The following UBA2 variants were observed in gnomAD, a reference collection of about 807,000 sequenced individuals.
UBA2 encodes the protein SUMO-activating enzyme subunit 2.
UBA2 carries 11 observed loss-of-function variants against 77.2 expected under a neutral mutation model. The observed-to-expected ratio is 0.14, with a 90% CI of 0.09 to 0.24. The LOEUF (loss-of-function observed/expected upper bound fraction) is 0.24, where lower values mean the gene tolerates loss of function less well. Ranked by LOEUF, UBA2 falls within the 10% of genes least tolerant of loss-of-function variation. The pLI, the probability that UBA2 is intolerant of heterozygous loss-of-function variation, is 1.00. For synonymous variants in UBA2, 278 were observed against 276.7 expected (o/e 1.00, Z -0.05); for missense variants, 487 against 781.7 (o/e 0.62, Z 4.50).
At chr19:34,432,518 G>C (rs2075266760) in intron 3 of UBA2, among the ~76,000 whole-genome samples, 1 of 152,058 alleles carries the variant, frequency 6.6e-6, no homozygotes, top group Non-Finnish European at 1.5e-5. Flanking sequence ...CTGGAATTGA[G>C]GTACTTAACA....
chr19:34,441,619 A>G (rs2075370540), intron 6 of UBA2, among the ~76,000 whole-genome samples: 1 of 152,168 alleles, frequency 6.6e-6, no homozygotes. Flanking sequence ...TCAACTTGAT[A>G]AATGTTCACA....
intron 12 of UBA2, among the ~76,000 whole-genome samples, chr19:34,458,419 G>A (rs2075593406): frequency 6.6e-6 from 1 of 151,660 alleles, no homozygotes; most frequent in South Asian, 2.1e-4. Flanking sequence ...AATTAGCCGG[G>A]CGAGGTGGCG....
intron 16 of UBA2, among the ~76,000 whole-genome samples, chr19:34,468,834 T>A (rs2145575722): frequency 6.6e-6 from 1 of 152,348 alleles, no homozygotes; most frequent in South Asian, 2.1e-4. Context: ...TTGTCACAAT[T>A]TTTTGTTTTG....
intron 1 of UBA2, chr19:34,429,147 GTAACTTACCC>G: frequency 1.0e-6 from 1 of 984,482 alleles, no homozygotes; most frequent in Non-Finnish European, 1.2e-6. Context: ...ATGGGGTTGA[GTAACTTACCC>G]TGGGTCACGG....
chr19:34,465,678 A>G (rs2075680346), intron 15 of UBA2, among the ~76,000 whole-genome samples: 1 of 151,554 alleles, frequency 6.6e-6, no homozygotes, highest in African/African-American at 2.4e-5. Context: ...AATGTGAGTT[A>G]TTAGTAAGTA....
At chr19:34,456,106 CTTT>C (rs869130576) in intron 12 of UBA2, among the ~76,000 whole-genome samples, 2 of 73,628 alleles carry the variant, frequency 2.7e-5, no homozygotes, top group African/African-American at 3.5e-5. Flanking sequence ...TTTTCTTTTT[CTTT>C]TTTTTTTTTT....
At position 34,469,155 on chromosome 19, in the gene UBA2, T is replaced by C; in HGVS notation, c.1857T>C (p.Asn619=). The C allele has an allele frequency of 1.2e-6, 2 of 1,613,432 alleles. No homozygotes were observed. Among genetic ancestry groups the C allele is most frequent in the Non-Finnish European group, 8.5e-7 (1 of 1,179,734 alleles). The change falls in exon 17 of 17, where the codon AAT becomes AAC. Residue 619 remains asparagine (N), a synonymous_variant. Coordinates refer to ENST00000246548, the MANE Select transcript of UBA2 (RefSeq NM_005499.3). ...SRKRKLDEKE[N]LSAKRSRIEQ... ...AGAGGAAATTAGATGAGAAAGAGAA[T>C]CTCAGTGCAAAGAGGTCACGTATAG...
Position 34,436,951 on chromosome 19 carries a change from CTCTG to C in UBA2, c.460-1689_460-1686del, listed in dbSNP as rs1599893295. ...CTGTTGACAGATCAAGACGGAAGTT[CTCTG>C]TCTGCATTGCAGTATGAGTCTCATG... On this transcript the variant is annotated intron_variant, in intron 5 of 16. Coordinates refer to ENST00000246548, the MANE Select transcript of UBA2 (RefSeq NM_005499.3). 2.0e-5 allele frequency among the ~76,000 whole-genome samples: 3 copies of C among 152,138 alleles called. No individual in the cohort carries two copies. In the East Asian group the frequency reaches 5.8e-4, roughly 29 times the overall value.
At position 34,461,596 on chromosome 19, in the gene UBA2, A is replaced by AT. The variant is rs370809433; in HGVS notation, c.1498+1033dup. Among the ~76,000 whole-genome samples the AT allele has an allele frequency of 3.8e-3, 580 of 152,328 alleles. 3 individuals carry two copies. Among genetic ancestry groups the AT allele is most frequent in the African/African-American group, 0.013 (550 of 41,566 alleles). Reference sequence around the variant, plus strand: ...GCTTAAAAATGGAAACTGGTCAGGAATTTCAGTGGCTTCAGCGTGACCCTT... The same window carrying AT: ...GCTTAAAAATGGAAACTGGTCAGGAATTTTCAGTGGCTTCAGCGTGACCCTT... On this transcript the variant is annotated intron_variant, in intron 14 of 16. Transcript: ENST00000246548.
At position 34,466,956 on chromosome 19, in the gene UBA2, T is replaced by C; in HGVS notation, c.1683T>C (p.Asp561=). Residue 561 remains aspartate (D), a synonymous_variant, in exon 16 of 17, where the codon GAT becomes GAC. Transcript: ENST00000246548. Reference sequence around the variant, plus strand: ...AAGTGGGGCCCAAACAAGCTGAAGATGCTGCCAAAAGCATAACCAATGGCA... The same window carrying C: ...AAGTGGGGCCCAAACAAGCTGAAGACGCTGCCAAAAGCATAACCAATGGCA... The part of the protein sequence containing the change: ...PEKVGPKQAE[D]AAKSITNGSD... The C allele has an allele frequency of 1.2e-6, 2 of 1,614,064 alleles. No individual in the cohort carries two copies. The highest frequency in any genetic ancestry group is 1.7e-6 in the Non-Finnish European group (2 of 1,180,008).
intron 8 of UBA2, among the ~76,000 whole-genome samples, chr19:34,447,968 A>G (rs2075449721): frequency 2.0e-5 from 3 of 152,232 alleles, no homozygotes; most frequent in Admixed American, 1.3e-4. Flanking sequence ...GAAAACTGAC[A>G]TAAATCCCAT....
At chr19:34,434,336 G>A (rs763602744) in intron 4 of UBA2, among the ~76,000 whole-genome samples, 1 of 152,032 alleles carries the variant, frequency 6.6e-6, no homozygotes, top group Non-Finnish European at 1.5e-5. Flanking sequence ...GGCTGGCCTC[G>A]AACTCCTGGC....
At chr19:34,438,605 C>A in intron 5 of UBA2, 40 bp from the exon 6 acceptor site, 1 of 1,608,426 alleles carries the variant, frequency 6.2e-7, no homozygotes, top group South Asian at 1.1e-5. Context: ...TGAGAAACTG[C>A]CATCATGGAG....
intron 1 of UBA2, chr19:34,428,834 G>A (rs1352034948): frequency 5.3e-6 from 6 of 1,128,414 alleles, no homozygotes; most frequent in Admixed American, 9.7e-5. Flanking sequence ...GCGCCAATGT[G>A]TGGCGCTTCG....
chr19:34,428,724 C>G (rs1301118266), intron 1 of UBA2, among the ~76,000 whole-genome samples, 154 bp downstream of exon 1: 1 of 151,762 alleles, frequency 6.6e-6, no homozygotes. Flanking sequence ...GGTTGTGCCC[C>G]CCCCGCGGGA....
intron 5 of UBA2, among the ~76,000 whole-genome samples, chr19:34,436,930 T>G (rs1416220866): frequency 6.6e-6 from 1 of 152,192 alleles, no homozygotes; most frequent in Non-Finnish European, 1.5e-5. Flanking sequence ...CAGTATCTGT[T>G]GACAGATCAA....
At chr19:34,442,641 G>A (rs2075383075) in intron 6 of UBA2, among the ~76,000 whole-genome samples, 1 of 152,110 alleles carries the variant, frequency 6.6e-6, no homozygotes, top group Non-Finnish European at 1.5e-5. Flanking sequence ...TTGTTGGCCA[G>A]GCTGGTCTCA....
rs1226504053 is a variant in UBA2 at position 34,469,748 on chromosome 19, C to T, written c.*527C>T. ...AACAATGTTAATTTACTCAAGTTTTCAGTTTGTACCGCCTGGTATGTCTGT... is the reference window on the plus strand; with the variant it reads ...AACAATGTTAATTTACTCAAGTTTTTAGTTTGTACCGCCTGGTATGTCTGT... On this transcript the variant is annotated 3_prime_UTR_variant, in exon 17 of 17. Transcript: ENST00000246548. The T allele has an allele frequency of 1.3e-5, 2 of 152,566 alleles. No individual in the cohort carries two copies. Among genetic ancestry groups the T allele is most frequent in the Non-Finnish European group, 2.9e-5 (2 of 68,026 alleles). 9.5% of individuals were successfully genotyped at this position (152,566 alleles called of 1,614,324 possible).
At chr19:34,437,381 G>A (rs985969122) in intron 5 of UBA2, among the ~76,000 whole-genome samples, 2 of 151,108 alleles carry the variant, frequency 1.3e-5, no homozygotes, top group African/African-American at 4.8e-5. Flanking sequence ...AGGCCAAGGC[G>A]GGCGGATCAC....
Sources: gnomAD v4.1 joint callset for allele counts (sites outside exome capture counted in the v4.1 genomes callset) on GRCh38, gnomAD v4.1.1 for gene constraint, MANE v1.5 for transcripts, NCBI Gene and HGNC (gene_info 2026-07-23, HGNC 2026-07-21) for gene names.